Variants in TTLL6 observed in about 807,000 individuals in gnomAD.
TTLL6 encodes tubulin polyglutamylase TTLL6.
Under a neutral mutation model 96.4 loss-of-function variants are expected in TTLL6, and 75 were observed. The observed-to-expected ratio is 0.78, with a 90% CI of 0.65 to 0.94. TTLL6 has a LOEUF of 0.94. Ranked by LOEUF, TTLL6 falls within the 40% of genes least tolerant of loss-of-function variation. The pLI is 0.00. For synonymous variants in TTLL6, 411 were observed against 419.4 expected (o/e 0.98, Z 0.24); for missense variants, 1,030 against 1,093.0 (o/e 0.94, Z 0.81).
chr17:48,790,607 T>C (rs538023757), intron 9 of TTLL6, among the ~76,000 whole-genome samples: 13 of 152,202 alleles, frequency 8.5e-5, no homozygotes, highest in Admixed American at 2.6e-4. Context: ...CTAGAAGTTT[T>C]TGAAGGGCTT....
intron 4 of TTLL6, 36 bp downstream of exon 4, chr17:48,801,489 C>A: frequency 6.4e-7 from 1 of 1,550,808 alleles, no homozygotes; most frequent in Non-Finnish European, 8.7e-7. Flanking sequence ...GGTAAGATGG[C>A]ACACTTAAAC....
At chr17:48,786,822 T>G (rs954196103) in intron 11 of TTLL6, among the ~76,000 whole-genome samples, 7 of 145,732 alleles carry the variant, frequency 4.8e-5, no homozygotes, top group Non-Finnish European at 9.0e-5. Context: ...CTGGTCCCTC[T>G]TCTGTCATCT....
Position 48,797,020 on chromosome 17 carries a change from G to A in TTLL6, c.912+41C>T, listed in dbSNP as rs779823034. 85 of 1,520,638 alleles carry A rather than the reference G, an allele frequency of 5.6e-5. No individual in the cohort carries two copies. In the Admixed American group the frequency reaches 7.0e-4, roughly 12 times the overall value. 94.2% of individuals were successfully genotyped at this position (1,520,638 alleles called of 1,614,324 possible). A position where few individuals can be genotyped will look rare whatever the true frequency, so the allele number is the denominator to read the frequency against. On this transcript the variant is annotated intron_variant, in intron 7 of 15. Transcript: ENST00000393382. ...CTAGAATTTTTTTTTTTTTAATCAC[G>A]CTATGGGGGTAGGGTGAGGTAGTGT...
At chr17:48,811,068 CTTT>C (rs35618180) in intron 1 of TTLL6, among the ~76,000 whole-genome samples, 2 of 110,544 alleles carry the variant, frequency 1.8e-5, no homozygotes, top group African/African-American at 3.4e-5. Flanking sequence ...TATTATTTTT[CTTT>C]TTTTTTTTTT....
At chr17:48,782,296 G>A (rs1308297282) in intron 13 of TTLL6, among the ~76,000 whole-genome samples, 1 of 151,802 alleles carries the variant, frequency 6.6e-6, no homozygotes, top group African/African-American at 2.4e-5. Flanking sequence ...AGTAGAAATG[G>A]GGTTTCACCA....
rs150299634 is a variant in TTLL6 at position 48,782,780 on chromosome 17, C to A, written c.2040+2143G>T. 2.5e-3 allele frequency among the ~76,000 whole-genome samples: 374 copies of A among 152,078 alleles called. 5 individuals are homozygous for A. Among genetic ancestry groups the A allele is most frequent in the African/African-American group, 8.7e-3 (361 of 41,458 alleles). The stretch of plus-strand genomic sequence containing the variant: ...CCAGGCTGGAGTGCAATGGCACGAT[C>A]TTGGCTCATTGCAACCTCCGCCTCC... On this transcript the variant is annotated intron_variant, in intron 13 of 15. Coordinates refer to ENST00000393382, the MANE Select transcript of TTLL6 (RefSeq NM_001130918.3).
At chr17:48,810,931 T>C (rs2039581615) in intron 1 of TTLL6, among the ~76,000 whole-genome samples, 1 of 148,028 alleles carries the variant, frequency 6.8e-6, no homozygotes, top group African/African-American at 2.5e-5. Context: ...GAGGTCTCTA[T>C]TCCTTCATGC....
At chr17:48,775,243 A>C (rs538438928) in intron 13 of TTLL6, among the ~76,000 whole-genome samples, 28 of 152,224 alleles carry the variant, frequency 1.8e-4, no homozygotes, top group African/African-American at 6.0e-4. Context: ...CTGATATCAA[A>C]GATATACAAC....
At chr17:48,775,558 T>A (rs1264062221) in intron 13 of TTLL6, among the ~76,000 whole-genome samples, 1 of 97,284 alleles carries the variant, frequency 1.0e-5, no homozygotes. Flanking sequence ...TATTATTATT[T>A]GAGACAGAGT....
At chr17:48,802,382 C>A (rs981006526) in intron 3 of TTLL6, among the ~76,000 whole-genome samples, 3 of 152,222 alleles carry the variant, frequency 2.0e-5, no homozygotes, top group African/African-American at 7.2e-5. Flanking sequence ...ATTAAGCATG[C>A]ATTTTTTTAA....
chr17:48,809,547 G>C (rs746215743), intron 1 of TTLL6, among the ~76,000 whole-genome samples: 5 of 152,120 alleles, frequency 3.3e-5, no homozygotes, highest in Admixed American at 3.3e-4. Context: ...ACAAGTCATG[G>C]CTCCTTCTAT....
chr17:48,786,489 A>C (rs775534128), intron 11 of TTLL6, among the ~76,000 whole-genome samples, 154 bp from the exon 12 acceptor site: 2 of 152,200 alleles, frequency 1.3e-5, no homozygotes, highest in Non-Finnish European at 2.9e-5. Context: ...ATTGAATGTC[A>C]AGGAGCAGGG....
At position 48,770,059 on chromosome 17, in the gene TTLL6, G is replaced by T; in HGVS notation, c.2079C>A (p.Thr693=). The change falls in exon 14 of 16, where the codon ACC becomes ACA. Residue 693 remains threonine, a synonymous_variant. Transcript: ENST00000393382. ...GAGACTTTGGGGAGATTGAGAGTTG[G>T]GTGGTGGATTCTGGGGTGGTTTCTA... ...TSVETTPEST[T]QLSISPKSPP... The T allele has an allele frequency of 6.2e-7, 1 of 1,613,594 alleles. No individual in the cohort carries two copies. Among genetic ancestry groups the T allele is most frequent in the Non-Finnish European group, 8.5e-7 (1 of 1,179,604 alleles).
chr17:48,796,803 G>A (rs963665656), intron 7 of TTLL6, among the ~76,000 whole-genome samples: 1 of 152,012 alleles, frequency 6.6e-6, no homozygotes, highest in Non-Finnish European at 1.5e-5. Flanking sequence ...CTGGCCACAA[G>A]CCCCAGACTC....
intron 1 of TTLL6, among the ~76,000 whole-genome samples, chr17:48,814,892 G>A (rs1016354618): frequency 3.3e-5 from 5 of 152,100 alleles, no homozygotes; most frequent in African/African-American, 1.2e-4. Flanking sequence ...TGATTCTCCC[G>A]CCTTAGCTTC....
At chr17:48,788,329 G>A (rs1315445892) in intron 10 of TTLL6, among the ~76,000 whole-genome samples, 1 of 152,188 alleles carries the variant, frequency 6.6e-6, no homozygotes, top group Non-Finnish European at 1.5e-5. Flanking sequence ...TCACAGCCCT[G>A]ATTACCCTTT....
chr17:48,812,898 G>T (rs1022876161), intron 1 of TTLL6, among the ~76,000 whole-genome samples: 28 of 152,136 alleles, frequency 1.8e-4, no homozygotes, highest in Non-Finnish European at 5.9e-5. Flanking sequence ...TCAACCTTGG[G>T]TCCTTCTCAT....
At chr17:48,808,549 C>T (rs2039537578) in intron 1 of TTLL6, among the ~76,000 whole-genome samples, 1 of 152,106 alleles carries the variant, frequency 6.6e-6, no homozygotes, top group Admixed American at 6.6e-5. Flanking sequence ...CATCTCCCCT[C>T]TCTATACATA....
intron 13 of TTLL6, 138 bp from the exon 14 acceptor site, chr17:48,770,235 G>GCAGGAGCATCA: frequency 8.0e-7 from 1 of 1,242,700 alleles, no homozygotes. Flanking sequence ...CTCAAGTGAT[G>GCAGGAGCATCA]CTCCTGCCTC....
Sources: gnomAD v4.1 joint callset for allele counts (sites outside exome capture counted in the v4.1 genomes callset) on GRCh38, gnomAD v4.1.1 for gene constraint, MANE v1.5 for transcripts, NCBI Gene and HGNC (gene_info 2026-07-23, HGNC 2026-07-21) for gene names.